The following KCTD3 variants were observed in gnomAD, a reference collection of about 807,000 sequenced individuals.
KCTD3 encodes BTB/POZ domain-containing protein KCTD3.
In KCTD3, 41 loss-of-function variants were observed where a neutral mutation model predicts 85.8. The ratio of observed to expected loss-of-function variants is 0.48; its 90% CI spans 0.37 to 0.62. The LOEUF (loss-of-function observed/expected upper bound fraction) is 0.62, where lower values mean the gene tolerates loss of function less well. Ranked by LOEUF, KCTD3 falls within the 20% of genes least tolerant of loss-of-function variation. The probability of loss-of-function intolerance (pLI) is 0.00; values close to 1 mark genes in which losing one functional copy is unlikely to be tolerated. For missense variants in KCTD3, 724 were observed against 989.9 expected (o/e 0.73, Z 3.60); for synonymous variants, 338 against 345.4 (o/e 0.98, Z 0.24).
chr1:215,591,155 C>G (rs1428204655), intron 9 of KCTD3, among the ~76,000 whole-genome samples: 1 of 152,154 alleles, frequency 6.6e-6, no homozygotes, highest in Non-Finnish European at 1.5e-5. Flanking sequence ...GTTGGAACTA[C>G]TCCATCTACC....
chr1:215,577,786 T>A, intron 5 of KCTD3, 58 bp downstream of exon 5: 1 of 1,357,600 alleles, frequency 7.4e-7, no homozygotes, highest in Non-Finnish European at 1.1e-6. Flanking sequence ...AAAGTTGCCC[T>A]AAATGAAATG....
At chr1:215,591,296 TTCC>T (rs1660200636) in intron 9 of KCTD3, among the ~76,000 whole-genome samples, 1 of 89,136 alleles carries the variant, frequency 1.1e-5, no homozygotes, top group Non-Finnish European at 2.1e-5. Context: ...CTTTCCTTCC[TTCC>T]TTCCTTCCTT....
In KCTD3 at chr1:215,592,262, A is replaced by T. The variant is rs1409277375; in HGVS notation, c.818-3094A>T. On this transcript the variant is annotated intron_variant, in intron 9 of 17. Transcript: ENST00000259154. ...GTGATAGAAAGTACTCTTATGCAGC[A>T]AGCCAGGGGGAATGTGGGGCTTGTC... Among the ~76,000 whole-genome samples the T allele has an allele frequency of 3.3e-5, 5 of 152,274 alleles. No individual in the cohort carries two copies. In the East Asian group the frequency reaches 9.7e-4, roughly 29 times the overall value.
intron 8 of KCTD3, among the ~76,000 whole-genome samples, chr1:215,583,683 A>G (rs1017875516): frequency 2.0e-5 from 3 of 152,014 alleles, no homozygotes; most frequent in African/African-American, 7.2e-5. Context: ...TCCCTTTTAC[A>G]AGGGTACTCT....
In KCTD3 at chr1:215,611,927, A is replaced by G. The variant is rs1226405996; in HGVS notation, c.1562+6A>G. 3 of 1,561,074 alleles carry G rather than the reference A, an allele frequency of 1.9e-6. No individual in the cohort carries two copies. Among genetic ancestry groups the G allele is most frequent in the East Asian group, 2.2e-5 (1 of 44,592 alleles). On this transcript the variant is annotated splice_donor_region_variant and intron_variant, in intron 15 of 17. Transcript: ENST00000259154. ...CTCTCATCGACTGGAAAAAGGTAACACTTTATTGTAAAAATATTTGTATTC... is the reference window on the plus strand; with the variant it reads ...CTCTCATCGACTGGAAAAAGGTAACGCTTTATTGTAAAAATATTTGTATTC...
chr1:215,567,451 A>G lies in KCTD3; in HGVS notation c.-235A>G, dbSNP rs1659165871. 1.3e-5 allele frequency: 3 copies of G among 226,106 alleles called. No individual in the cohort carries two copies. The highest frequency in any genetic ancestry group is 2.3e-5 in the African/African-American group (1 of 43,446). 14.0% of individuals were successfully genotyped at this position (226,106 alleles called of 1,614,324 possible). On this transcript the variant is annotated 5_prime_UTR_variant, in exon 1 of 18. Coordinates refer to ENST00000259154, the MANE Select transcript of KCTD3 (RefSeq NM_016121.5). ...GCGGCCCGGCGGCCTGGAGGCCGCG[A>G]AAGGTGGAGGCCGGGCCGCCCTTGT...
chr1:215,613,258 C>T (rs1371503749), intron 15 of KCTD3, among the ~76,000 whole-genome samples: 1 of 152,156 alleles, frequency 6.6e-6, no homozygotes, highest in East Asian at 1.9e-4. Flanking sequence ...GAGTCTTGCT[C>T]TTTTGCCAGG....
chr1:215,615,095 T>A (rs1472537769), intron 15 of KCTD3, among the ~76,000 whole-genome samples: 1 of 152,216 alleles, frequency 6.6e-6, no homozygotes, highest in Non-Finnish European at 1.5e-5. Context: ...ACAAATTTTA[T>A]AATTTTTAAG....
intron 5 of KCTD3, 122 bp from the exon 6 acceptor site, chr1:215,577,879 C>T: frequency 1.4e-6 from 2 of 1,438,448 alleles, no homozygotes; most frequent in Non-Finnish European, 1.9e-6. Flanking sequence ...ATGTTGTCAA[C>T]TCTGACTTAA....
intron 13 of KCTD3, among the ~76,000 whole-genome samples, chr1:215,606,200 CA>C (rs1487981208): frequency 3.3e-5 from 5 of 152,050 alleles, no homozygotes; most frequent in Non-Finnish European, 7.4e-5. Context: ...ATGGTTTGCC[CA>C]TAGGTATTTG....
intron 15 of KCTD3, among the ~76,000 whole-genome samples, chr1:215,613,477 T>C (rs1374667355): frequency 2.0e-5 from 3 of 152,220 alleles, no homozygotes; most frequent in Non-Finnish European, 4.4e-5. Flanking sequence ...ATAGTTTCTT[T>C]TGTGGTGCAA....
chr1:215,572,028 G>A (rs1659388862), intron 1 of KCTD3, among the ~76,000 whole-genome samples: 1 of 152,144 alleles, frequency 6.6e-6, no homozygotes, highest in African/African-American at 2.4e-5. Context: ...GTGCATACAC[G>A]GCTTCTGCTG....
In KCTD3 at chr1:215,585,391, T is replaced by C. The variant is rs74621592; in HGVS notation, c.627-1104T>C. Among the ~76,000 whole-genome samples the C allele has an allele frequency of 1.2e-3, 179 of 152,310 alleles. 1 individual carries two copies. Among genetic ancestry groups the C allele is most frequent in the African/African-American group, 4.0e-3 (168 of 41,564 alleles). On this transcript the variant is annotated intron_variant, in intron 8 of 17. Transcript: ENST00000259154. Reference sequence around the variant, plus strand: ...ATTAATATGCTCAATTGTATATTCTTATGAATTACAGTTGTATTACTTGGC... The same window carrying C: ...ATTAATATGCTCAATTGTATATTCTCATGAATTACAGTTGTATTACTTGGC...
At chr1:215,580,770 A>G (rs1244163025) in intron 8 of KCTD3, among the ~76,000 whole-genome samples, 1 of 152,206 alleles carries the variant, frequency 6.6e-6, no homozygotes, top group Admixed American at 6.5e-5. Flanking sequence ...GGTTAAGAAA[A>G]ATAGTCACAA....
chr1:215,577,092 G>A (rs1407726024), intron 4 of KCTD3, among the ~76,000 whole-genome samples: 3 of 150,232 alleles, frequency 2.0e-5, no homozygotes, highest in Non-Finnish European at 4.4e-5. Flanking sequence ...CTATGAAGTA[G>A]CATCATTTCA....
intron 12 of KCTD3, 107 bp downstream of exon 12, chr1:215,602,308 GC>G (rs1654861256): frequency 6.6e-6 from 4 of 602,598 alleles, no homozygotes; most frequent in African/African-American, 1.9e-5. Flanking sequence ...TTTGAGAACT[GC>G]AGTGCCTAAG....
intron 8 of KCTD3, among the ~76,000 whole-genome samples, chr1:215,580,820 GAT>G (rs1383389274): frequency 6.6e-6 from 1 of 152,098 alleles, no homozygotes; most frequent in Non-Finnish European, 1.5e-5. Flanking sequence ...AAAGTTTACA[GAT>G]ATAGTTTAAA....
intron 1 of KCTD3, among the ~76,000 whole-genome samples, 174 bp from the exon 2 acceptor site, chr1:215,573,612 A>G (rs1243969988): frequency 6.6e-6 from 1 of 152,152 alleles, no homozygotes; most frequent in East Asian, 1.9e-4. Flanking sequence ...TATAATCTTA[A>G]CTCTGAATTG....
chr1:215,612,201 T>A (rs564103139), intron 15 of KCTD3, among the ~76,000 whole-genome samples: 18 of 152,186 alleles, frequency 1.2e-4, no homozygotes, highest in Non-Finnish European at 2.5e-4. Flanking sequence ...AAATACTTAT[T>A]AATTTTGTTA....
Sources: gnomAD v4.1 joint callset for allele counts (sites outside exome capture counted in the v4.1 genomes callset) on GRCh38, gnomAD v4.1.1 for gene constraint, MANE v1.5 for transcripts, NCBI Gene and HGNC (gene_info 2026-07-23, HGNC 2026-07-21) for gene names.